Variants in SP4 observed in about 807,000 individuals in gnomAD.
SP4 encodes transcription factor Sp4.
SP4 carries 19 observed loss-of-function variants against 72.8 expected under a neutral mutation model. The ratio of observed to expected loss-of-function variants is 0.26; its 90% CI spans 0.18 to 0.38. The LOEUF (loss-of-function observed/expected upper bound fraction) is 0.38. Ranked by LOEUF, SP4 falls within the 10% of genes least tolerant of loss-of-function variation. The pLI is 1.00. For synonymous variants in SP4, 395 were observed against 333.1 expected, an observed-to-expected ratio of 1.19 and a Z score of -2.02; for missense variants, 1,008 against 926.3, an observed-to-expected ratio of 1.09 and a Z score of -1.14.
chr7:21,477,960 G>C (rs1263111069), intron 4 of SP4, among the ~76,000 whole-genome samples: 1 of 152,182 alleles, frequency 6.6e-6, no homozygotes, highest in East Asian at 1.9e-4. Flanking sequence ...ATTCAGAGCT[G>C]TGTAGACATG....
intron 5 of SP4, among the ~76,000 whole-genome samples, chr7:21,501,965 T>C (rs755576349): frequency 6.6e-6 from 1 of 151,506 alleles, no homozygotes; most frequent in Non-Finnish European, 1.5e-5. Context: ...GTCCACATTC[T>C]TAATAGTTGA....
chr7:21,487,049 A>G (rs975284617), intron 5 of SP4, among the ~76,000 whole-genome samples: 1 of 152,184 alleles, frequency 6.6e-6, no homozygotes, highest in African/African-American at 2.4e-5. Flanking sequence ...TTTCTTCTCC[A>G]ATTATTTATG....
intron 3 of SP4, among the ~76,000 whole-genome samples, chr7:21,463,858 A>G (rs1430956333): frequency 6.6e-6 from 1 of 152,128 alleles, no homozygotes; most frequent in Non-Finnish European, 1.5e-5. Context: ...TTTGATCTTT[A>G]TCAATTAATT....
At chr7:21,485,431 A>AC (rs1389607361) in intron 5 of SP4, among the ~76,000 whole-genome samples, 1 of 151,976 alleles carries the variant, frequency 6.6e-6, no homozygotes, top group Admixed American at 6.6e-5. Context: ...TCTTTGCCCC[A>AC]CCCCATCCTG....
At chr7:21,509,749 GA>G (rs1286050133) in intron 5 of SP4, among the ~76,000 whole-genome samples, 1 of 152,152 alleles carries the variant, frequency 6.6e-6, no homozygotes, top group Non-Finnish European at 1.5e-5. Context: ...TGAGCCTATA[GA>G]TTTTTTTTAT....
At chr7:21,439,803 C>A (rs1783180763) in intron 3 of SP4, among the ~76,000 whole-genome samples, 2 of 152,140 alleles carry the variant, frequency 1.3e-5, no homozygotes, top group African/African-American at 4.8e-5. Flanking sequence ...GTGGCTGAGG[C>A]AGGAGGATTG....
At chr7:21,493,576 C>G (rs1785032397) in intron 5 of SP4, among the ~76,000 whole-genome samples, 1 of 152,092 alleles carries the variant, frequency 6.6e-6, no homozygotes, top group Non-Finnish European at 1.5e-5. Context: ...ACTCTACAAC[C>G]TAAATTTGAG....
At chr7:21,502,049 C>CA (rs1554301421) in intron 5 of SP4, among the ~76,000 whole-genome samples, 1 of 118,220 alleles carries the variant, frequency 8.5e-6, no homozygotes, top group Admixed American at 8.2e-5. Flanking sequence ...CACCCCCCCC[C>CA]CCCCGGAACT....
At chr7:21,452,252 A>G (rs1023055108) in intron 3 of SP4, among the ~76,000 whole-genome samples, 1 of 152,206 alleles carries the variant, frequency 6.6e-6, no homozygotes, top group Admixed American at 6.5e-5. Context: ...ACTTGGCCTA[A>G]TGAGTTGCAT....
chr7:21,435,791 T>C (rs1040847143), intron 3 of SP4, among the ~76,000 whole-genome samples: 1 of 152,256 alleles, frequency 6.6e-6, no homozygotes, highest in Non-Finnish European at 1.5e-5. Context: ...TGAATGATTT[T>C]TTCATGGAAG....
At chr7:21,460,993 T>A (rs934626537) in intron 3 of SP4, among the ~76,000 whole-genome samples, 1 of 152,048 alleles carries the variant, frequency 6.6e-6, no homozygotes, top group African/African-American at 2.4e-5. Context: ...TTCCAAACCT[T>A]GAGCTAGACA....
chr7:21,470,467 C>T (rs1784301214), intron 3 of SP4, among the ~76,000 whole-genome samples: 2 of 152,214 alleles, frequency 1.3e-5, no homozygotes, highest in South Asian at 2.1e-4. Flanking sequence ...TTGGCTTAGG[C>T]ATAGGCCCCT....
rs762558189 is a variant in SP4 at position 21,514,543 on chromosome 7, A to AAAC, written c.*3275_*3276insACA. On this transcript the variant is annotated 3_prime_UTR_variant, in exon 6 of 6. Transcript: ENST00000222584. ...TAAATTTTTTTTGTAAAAAAAAAAA[A>AAAC]ATGAAAAAAAAAGATGAATCCAGAA... The AAAC allele has an allele frequency of 6.6e-6, 1 of 151,752 alleles. No individual in the cohort carries two copies. The highest frequency in any genetic ancestry group is 2.4e-5 in the African/African-American group (1 of 41,264). The allele number at this position is 151,752 out of a possible 1,614,324, so 9.4% of individuals were successfully genotyped here.
intron 3 of SP4, among the ~76,000 whole-genome samples, chr7:21,453,123 G>C (rs190645715): frequency 6.6e-6 from 1 of 152,132 alleles, no homozygotes; most frequent in Non-Finnish European, 1.5e-5. Flanking sequence ...TTTTCTTGGC[G>C]TTGAAAAACA....
intron 5 of SP4, among the ~76,000 whole-genome samples, chr7:21,499,300 T>C (rs1039406696): frequency 3.3e-5 from 5 of 152,182 alleles, no homozygotes; most frequent in African/African-American, 9.7e-5. Context: ...CAAAAAGATA[T>C]GTTTAAATCC....
intron 5 of SP4, among the ~76,000 whole-genome samples, chr7:21,497,039 A>G (rs1279970331): frequency 2.6e-5 from 4 of 152,176 alleles, no homozygotes; most frequent in Non-Finnish European, 4.4e-5. Flanking sequence ...TTTCCTTTAA[A>G]GCCTTTTGGT....
rs1008384122 is a variant in SP4 at position 21,511,738 on chromosome 7, G to A, written c.*469G>A. On this transcript the variant is annotated 3_prime_UTR_variant, in exon 6 of 6. Transcript: ENST00000222584. ...ATAGGGATAATACTGTATTTCCTTA[G>A]CTTGATTTTTGGAAAATCAACCGAA... The A allele has an allele frequency of 1.9e-5, 3 of 153,990 alleles. No individual in the cohort carries two copies. The highest frequency in any genetic ancestry group is 7.2e-5 in the African/African-American group (3 of 41,408). 9.5% of individuals were successfully genotyped at this position (153,990 alleles called of 1,614,324 possible). A position where few individuals can be genotyped will look rare whatever the true frequency, so the allele number is the denominator to read the frequency against.
At chr7:21,482,691 G>A in intron 5 of SP4, 1 of 982,508 alleles carries the variant, frequency 1.0e-6, no homozygotes, top group South Asian at 4.7e-5. Flanking sequence ...ATGTGTCTAA[G>A]TTTTACGTAC....
intron 3 of SP4, chr7:21,471,144 G>A: frequency 1.9e-6 from 1 of 534,426 alleles, no homozygotes; most frequent in Non-Finnish European, 3.8e-6. Context: ...GAGCAGGAGT[G>A]CCAAGAGATG....
Sources: allele counts gnomAD v4.1 joint callset (sites outside exome capture counted in the v4.1 genomes callset), GRCh38; gene constraint gnomAD v4.1.1; transcripts MANE v1.5; gene names NCBI Gene and HGNC (gene_info 2026-07-23, HGNC 2026-07-21).